The following ADGRL3 variants were observed in gnomAD, a reference collection of about 807,000 sequenced individuals.
ADGRL3 encodes the protein adhesion G protein-coupled receptor L3.
ADGRL3 carries 62 observed loss-of-function variants against 153.5 expected under a neutral mutation model. That is an observed-to-expected ratio of 0.40 (90% CI 0.33 to 0.50). ADGRL3 has a LOEUF of 0.50. Ranked by LOEUF, ADGRL3 falls within the 20% of genes least tolerant of loss-of-function variation. The pLI is 0.47. For synonymous variants in ADGRL3, 710 were observed against 672.5 expected (o/e 1.06, Z -0.86); for missense variants, 1,641 against 1,859.4 (o/e 0.88, Z 2.16).
At chr4:61,408,365 T>G (rs2097031230) in intron 2 of ADGRL3, among the ~76,000 whole-genome samples, 1 of 151,840 alleles carries the variant, frequency 6.6e-6, no homozygotes, top group Admixed American at 6.6e-5. Context: ...TTTAAACTAC[T>G]GACCCTGCAC....
chr4:61,369,352 G>A (rs577783124), intron 1 of ADGRL3, among the ~76,000 whole-genome samples: 1 of 152,220 alleles, frequency 6.6e-6, no homozygotes, highest in South Asian at 2.1e-4. Context: ...TTGAGTATGA[G>A]ATTGGCTGTG....
intron 8 of ADGRL3, among the ~76,000 whole-genome samples, chr4:61,759,153 G>A (rs1354091803): frequency 6.6e-6 from 1 of 152,100 alleles, no homozygotes. Context: ...TGACAATTAT[G>A]TGTTGCTCTT....
chr4:61,820,917 A>G (rs2097747733), intron 9 of ADGRL3, among the ~76,000 whole-genome samples: 1 of 152,202 alleles, frequency 6.6e-6, no homozygotes, highest in South Asian at 2.1e-4. Context: ...AATATATTAC[A>G]GACAGAGTCA....
chr4:61,585,856 A>T (rs2098944359), intron 4 of ADGRL3, among the ~76,000 whole-genome samples: 1 of 152,000 alleles, frequency 6.6e-6, no homozygotes, highest in South Asian at 2.1e-4. Context: ...CAAACATCTA[A>T]ACTTAAACGT....
chr4:61,244,094 A>G (rs1756097196), intron 1 of ADGRL3, among the ~76,000 whole-genome samples: 2 of 151,962 alleles, frequency 1.3e-5, no homozygotes, highest in Non-Finnish European at 2.9e-5. Context: ...TTTATAGAGG[A>G]AATATTTGTA....
intron 22 of ADGRL3, among the ~76,000 whole-genome samples, chr4:62,029,284 T>C (rs553543101): frequency 1.7e-3 from 262 of 151,880 alleles, no homozygotes; most frequent in African/African-American, 6.1e-3. Flanking sequence ...ATCTTCAAAA[T>C]GATCTTACGG....
rs139831134 is a variant in ADGRL3 at position 61,974,328 on chromosome 4, G to C, written c.2806-5235G>C. ...ACCACAAATATTTAATAATAACTAA[G>C]CTGGAAATGTTATAAAGTGAAATTA... is the stretch of plus-strand genomic sequence containing the variant. On this transcript the variant is annotated intron_variant, in intron 17 of 26. Transcript: ENST00000683033. 3.7e-3 allele frequency among the ~76,000 whole-genome samples: 568 copies of C among 152,094 alleles called. 2 individuals are homozygous for C. The highest frequency in any genetic ancestry group is 7.5e-3 in the Admixed American group (115 of 15,272).
intron 2 of ADGRL3, among the ~76,000 whole-genome samples, chr4:61,483,404 A>C (rs1490553362): frequency 2.0e-5 from 3 of 152,202 alleles, no homozygotes; most frequent in African/African-American, 7.2e-5. Context: ...GATAGCACTC[A>C]ATTATGCATT....
intron 8 of ADGRL3, among the ~76,000 whole-genome samples, chr4:61,752,945 T>A (rs753347907): frequency 1.3e-5 from 2 of 151,888 alleles, no homozygotes; most frequent in Non-Finnish European, 2.9e-5. Flanking sequence ...AAAATATATA[T>A]GTATTCAGCA....
At chr4:61,563,511 C>A (rs1441945897) in intron 4 of ADGRL3, among the ~76,000 whole-genome samples, 1 of 152,194 alleles carries the variant, frequency 6.6e-6, no homozygotes, top group African/African-American at 2.4e-5. Flanking sequence ...TGAAGCCAGG[C>A]ATTGACTATT....
chr4:62,077,453 T>C lies in ADGRL3; in HGVS notation c.*6545T>C, dbSNP rs191542219. Reference sequence around the variant, plus strand: ...GCTTTTTAAAATTTAAAAATTCCTCTGTTTCTTCTGAATGTAAAACAGGCA... The same window carrying C: ...GCTTTTTAAAATTTAAAAATTCCTCCGTTTCTTCTGAATGTAAAACAGGCA... On this transcript the variant is annotated 3_prime_UTR_variant, in exon 27 of 27. Transcript: ENST00000683033. 1 of 152,146 alleles carries C rather than the reference T, an allele frequency of 6.6e-6. No individual in the cohort carries two copies. Among genetic ancestry groups the C allele is most frequent in the East Asian group, 1.9e-4 (1 of 5,174 alleles). 9.4% of individuals were successfully genotyped at this position (152,146 alleles called of 1,614,324 possible).
intron 2 of ADGRL3, among the ~76,000 whole-genome samples, chr4:61,460,786 C>T (rs1380798352): frequency 1.3e-5 from 2 of 151,980 alleles, no homozygotes; most frequent in East Asian, 3.9e-4. Flanking sequence ...ACCATCAGAT[C>T]GGCCAGGCGC....
intron 5 of ADGRL3, among the ~76,000 whole-genome samples, chr4:61,621,021 T>G (rs553078542): frequency 2.0e-5 from 3 of 152,292 alleles, no homozygotes; most frequent in Non-Finnish European, 4.4e-5. Flanking sequence ...TTATTTGTTA[T>G]TTTTGTTTGT....
At chr4:61,607,407 A>G (rs1231408516) in intron 5 of ADGRL3, among the ~76,000 whole-genome samples, 2 of 152,046 alleles carry the variant, frequency 1.3e-5, no homozygotes, top group Non-Finnish European at 2.9e-5. Flanking sequence ...GACCAGCCTG[A>G]CCAATATGGT....
At chr4:62,046,228 G>A (rs972624362) in intron 25 of ADGRL3, among the ~76,000 whole-genome samples, 1 of 151,666 alleles carries the variant, frequency 6.6e-6, no homozygotes, top group Non-Finnish European at 1.5e-5. Flanking sequence ...CAAAGAATGA[G>A]GTAATATGAT....
chr4:61,631,425 C>G (rs2093158900), intron 5 of ADGRL3, among the ~76,000 whole-genome samples: 1 of 152,176 alleles, frequency 6.6e-6, no homozygotes, highest in South Asian at 2.1e-4. Context: ...ATTAACTCAA[C>G]ATTTCTTTAA....
At chr4:62,057,573 G>A (rs10006907) in intron 25 of ADGRL3, among the ~76,000 whole-genome samples, 3,977 of 152,248 alleles carry the variant, frequency 0.026, 182 homozygotes, top group African/African-American at 0.092. Flanking sequence ...TATGGAATAC[G>A]AAAATCGGTT....
intron 1 of ADGRL3, among the ~76,000 whole-genome samples, chr4:61,352,546 G>A (rs568272698): frequency 2.6e-5 from 4 of 151,820 alleles, no homozygotes; most frequent in Non-Finnish European, 4.4e-5. Context: ...CACCACCCCT[G>A]GCTAATTTTT....
chr4:61,564,212 A>T (rs533987607), intron 4 of ADGRL3, among the ~76,000 whole-genome samples: 1 of 151,942 alleles, frequency 6.6e-6, no homozygotes, highest in South Asian at 2.1e-4. Context: ...CTTTCTCTCA[A>T]CAATAAGGCT....
Sources: allele counts gnomAD v4.1 joint callset (sites outside exome capture counted in the v4.1 genomes callset), GRCh38; gene constraint gnomAD v4.1.1; transcripts MANE v1.5; gene names NCBI Gene and HGNC (gene_info 2026-07-23, HGNC 2026-07-21).